The following CCSER1 variants were observed in gnomAD, a reference collection of about 807,000 sequenced individuals.
CCSER1 encodes the protein coiled-coil serine rich protein 1, also known as serine-rich coiled-coil domain-containing protein 1.
In CCSER1, 41 loss-of-function variants were observed where a neutral mutation model predicts 82.0. The observed-to-expected ratio is 0.50, with a 90% confidence interval of 0.39 to 0.65. The LOEUF is 0.65. Among genes scored for constraint, CCSER1 ranks in the 30% least tolerant of loss-of-function variants. The pLI, the probability that CCSER1 is intolerant of heterozygous loss-of-function variation, is 0.00. For missense variants in CCSER1, 1,119 were observed against 1,064.2 expected, an observed-to-expected ratio of 1.05 and a Z score of -0.72; for synonymous variants, 414 against 383.9, an observed-to-expected ratio of 1.08 and a Z score of -0.92.
At chr4:90,881,388 G>T (rs1721292814) in intron 8 of CCSER1, among the ~76,000 whole-genome samples, 1 of 152,076 alleles carries the variant, frequency 6.6e-6, no homozygotes, top group African/African-American at 2.4e-5. Flanking sequence ...TTAGTTTGGG[G>T]AATAGAAAGA....
intron 8 of CCSER1, among the ~76,000 whole-genome samples, chr4:90,846,735 C>T (rs1429737774): frequency 2.3e-5 from 2 of 85,158 alleles, no homozygotes; most frequent in Non-Finnish European, 5.1e-5. Context: ...GCCATTCTTC[C>T]CAGCCTCTTG....
chr4:91,260,425 CT>C (rs1377507762), intron 10 of CCSER1, among the ~76,000 whole-genome samples: 1 of 152,178 alleles, frequency 6.6e-6, no homozygotes, highest in East Asian at 1.9e-4. Context: ...TGTGCCTGAT[CT>C]TTTATTAATC....
chr4:91,068,562 T>C (rs1018412423), intron 9 of CCSER1, among the ~76,000 whole-genome samples: 1 of 152,208 alleles, frequency 6.6e-6, no homozygotes, highest in Non-Finnish European at 1.5e-5. Flanking sequence ...TCTCAGATAG[T>C]ATGTAGTTTT....
At chr4:90,867,669 C>T (rs899455004) in intron 8 of CCSER1, among the ~76,000 whole-genome samples, 3 of 151,846 alleles carry the variant, frequency 2.0e-5, no homozygotes, top group Non-Finnish European at 4.4e-5. Flanking sequence ...TACTCATTAA[C>T]CATTACCCTC....
intron 10 of CCSER1, among the ~76,000 whole-genome samples, chr4:91,125,918 C>T (rs868694869): frequency 1.3e-5 from 2 of 151,254 alleles, no homozygotes; most frequent in Admixed American, 6.6e-5. Context: ...GGGTTTAATC[C>T]AAGAATATAT....
At chr4:91,578,170 G>C (rs1345361022) in intron 10 of CCSER1, among the ~76,000 whole-genome samples, 1 of 151,856 alleles carries the variant, frequency 6.6e-6, no homozygotes, top group Non-Finnish European at 1.5e-5. Flanking sequence ...AAAGTTCCTT[G>C]GTCCCTACCC....
At chr4:90,726,550 T>C (rs919178214) in intron 7 of CCSER1, among the ~76,000 whole-genome samples, 1 of 152,100 alleles carries the variant, frequency 6.6e-6, no homozygotes, top group African/African-American at 2.4e-5. Flanking sequence ...ATGTTTATTT[T>C]TTCCAATATG....
chr4:90,761,527 A>T (rs1012806767), intron 7 of CCSER1, among the ~76,000 whole-genome samples: 2 of 152,180 alleles, frequency 1.3e-5, no homozygotes, highest in Non-Finnish European at 2.9e-5. Context: ...TATAGGATGG[A>T]TATGTATAAA....
chr4:90,232,735 G>C (rs1203370261), intron 1 of CCSER1, among the ~76,000 whole-genome samples: 2 of 146,518 alleles, frequency 1.4e-5, no homozygotes, highest in Non-Finnish European at 3.0e-5. Flanking sequence ...CTGACAAAGG[G>C]CTAATATCCA....
chr4:91,579,309 G>A (rs1408926190), intron 10 of CCSER1, among the ~76,000 whole-genome samples: 1 of 151,392 alleles, frequency 6.6e-6, no homozygotes, highest in Non-Finnish European at 1.5e-5. Context: ...GGTGGGGATA[G>A]GACTCCTAGT....
At chr4:90,551,995 A>T (rs186584632) in intron 5 of CCSER1, among the ~76,000 whole-genome samples, 45 of 152,092 alleles carry the variant, frequency 3.0e-4, no homozygotes, top group African/African-American at 1.0e-3. Flanking sequence ...CATCCTCTGG[A>T]GGGAAGGAAA....
At chr4:90,727,135 T>C (rs950603001) in intron 7 of CCSER1, 1 of 425,980 alleles carries the variant, frequency 2.3e-6, no homozygotes, top group Admixed American at 2.8e-5. Flanking sequence ...TTATAAACTA[T>C]TGTTATGGGC....
rs558206626 is a variant in CCSER1, at chr4:90,604,333, G to A, written c.1725-23692G>A. On this transcript the variant is annotated intron_variant, in intron 5 of 10. Coordinates refer to ENST00000509176, the MANE Select transcript of CCSER1 (RefSeq NM_001145065.2). Reference sequence around the variant, plus strand: ...GTCTTCAAGGCTGCCCATGTGTACCGGAGAGAATACAGACTCTGGAGATGT... The same window carrying A: ...GTCTTCAAGGCTGCCCATGTGTACCAGAGAGAATACAGACTCTGGAGATGT... 1.2e-4 allele frequency among the ~76,000 whole-genome samples: 18 copies of A among 152,096 alleles called. No individual in the cohort carries two copies. The South Asian group carries it at 2.1e-3, about 18-fold the overall frequency.
At chr4:91,409,417 T>G (rs1752894870) in intron 10 of CCSER1, among the ~76,000 whole-genome samples, 1 of 152,182 alleles carries the variant, frequency 6.6e-6, no homozygotes, top group African/African-American at 2.4e-5. Context: ...CAGTGACACT[T>G]AATTTTATAT....
In CCSER1 at chr4:91,601,647, A is replaced by G. The variant is rs1764820889; in HGVS notation, c.*2590A>G. The G allele has an allele frequency of 6.6e-6, 1 of 152,084 alleles. No individual in the cohort carries two copies. Among genetic ancestry groups the G allele is most frequent in the African/African-American group, 2.4e-5 (1 of 41,458 alleles). The allele number at this position is 152,084 out of a possible 1,614,324, so 9.4% of individuals were successfully genotyped here. ...TTTATGCATTTCTCCAAGGCGGTAC[A>G]TATCCAAAGACATGACACCAGGGGG... On this transcript the variant is annotated 3_prime_UTR_variant, in exon 11 of 11. Coordinates refer to ENST00000509176, the MANE Select transcript of CCSER1 (RefSeq NM_001145065.2).
At chr4:90,934,167 A>G (rs1026139525) in intron 9 of CCSER1, among the ~76,000 whole-genome samples, 2 of 152,076 alleles carry the variant, frequency 1.3e-5, no homozygotes, top group African/African-American at 4.8e-5. Context: ...ATAATGGCTC[A>G]TTATCAAATG....
intron 4 of CCSER1, among the ~76,000 whole-genome samples, chr4:90,453,279 A>G (rs1277350574): frequency 6.6e-6 from 1 of 152,198 alleles, no homozygotes; most frequent in African/African-American, 2.4e-5. Context: ...TTAGCAGGTT[A>G]TAGGAATTGG....
chr4:90,509,029 A>G (rs747567363), intron 5 of CCSER1, among the ~76,000 whole-genome samples: 1 of 152,108 alleles, frequency 6.6e-6, no homozygotes. Context: ...GTGTAAATAA[A>G]TAAATCACAC....
intron 10 of CCSER1, among the ~76,000 whole-genome samples, chr4:91,395,957 T>C (rs1299516066): frequency 6.6e-6 from 1 of 152,036 alleles, no homozygotes; most frequent in Non-Finnish European, 1.5e-5. Flanking sequence ...CAGAATAAAA[T>C]ATGAAGAATA....
Sources: allele counts gnomAD v4.1 joint callset (sites outside exome capture counted in the v4.1 genomes callset), GRCh38; gene constraint gnomAD v4.1.1; transcripts MANE v1.5; gene names NCBI Gene and HGNC (gene_info 2026-07-23, HGNC 2026-07-21).